The following KCNMB2 variants were observed in gnomAD, a reference collection of about 807,000 sequenced individuals.
The protein encoded by KCNMB2 is potassium calcium-activated channel subfamily M regulatory beta subunit 2, also known as calcium-activated potassium channel subunit beta-2.
In KCNMB2, 9 loss-of-function variants were observed where a neutral mutation model predicts 24.5. The ratio of observed to expected loss-of-function variants is 0.37; its 90% confidence interval spans 0.22 to 0.64. The LOEUF is 0.64. Among genes scored for constraint, KCNMB2 ranks in the 30% least tolerant of loss-of-function variants. The pLI, the probability that KCNMB2 is intolerant of heterozygous loss-of-function variation, is 0.63. For missense variants in KCNMB2, 226 were observed against 284.3 expected (o/e 0.79, Z 1.47); for synonymous variants, 109 against 104.4 (o/e 1.04, Z -0.27).
chr3:178,579,834 C>A (rs986298727), intron 1 of KCNMB2, among the ~76,000 whole-genome samples: 8 of 152,172 alleles, frequency 5.3e-5, no homozygotes, highest in Non-Finnish European at 7.4e-5. Context: ...GAAGTCAAAT[C>A]TCTGAATATA....
At chr3:178,723,888 A>G (rs530688235) in intron 1 of KCNMB2, among the ~76,000 whole-genome samples, 27 of 152,258 alleles carry the variant, frequency 1.8e-4, no homozygotes, top group Admixed American at 6.5e-4. Context: ...TCCACTGTTA[A>G]TGGGTGCCTA....
At chr3:178,736,459 C>T (rs1313585540) in intron 1 of KCNMB2, among the ~76,000 whole-genome samples, 1 of 152,216 alleles carries the variant, frequency 6.6e-6, no homozygotes, top group Non-Finnish European at 1.5e-5. Flanking sequence ...CTCTCCTTTC[C>T]AGACCTTTTC....
At chr3:178,758,546 A>G (rs1269633796) in intron 1 of KCNMB2, among the ~76,000 whole-genome samples, 2 of 49,940 alleles carry the variant, frequency 4.0e-5, no homozygotes, top group Admixed American at 5.1e-4. Context: ...ATATATATAT[A>G]TATATCCAAG....
chr3:178,734,990 T>C (rs543544355), intron 1 of KCNMB2, among the ~76,000 whole-genome samples: 5 of 152,232 alleles, frequency 3.3e-5, no homozygotes, highest in Non-Finnish European at 5.9e-5. Flanking sequence ...ATCCTCATCA[T>C]GATTTATCTC....
intron 1 of KCNMB2, among the ~76,000 whole-genome samples, chr3:178,733,622 A>T (rs1723224093): frequency 6.6e-6 from 1 of 152,118 alleles, no homozygotes; most frequent in Non-Finnish European, 1.5e-5. Flanking sequence ...CTGGGACTAC[A>T]GGTGCATGCC....
intron 1 of KCNMB2, among the ~76,000 whole-genome samples, chr3:178,701,122 T>A (rs1201420470): frequency 6.6e-6 from 1 of 152,228 alleles, no homozygotes; most frequent in African/African-American, 2.4e-5. Flanking sequence ...CCATCTTGAA[T>A]TAATTGTTGT....
At chr3:178,827,410 T>C (rs1003657202) in intron 3 of KCNMB2, among the ~76,000 whole-genome samples, 2 of 152,112 alleles carry the variant, frequency 1.3e-5, no homozygotes, top group African/African-American at 4.8e-5. Context: ...AATTACAAGA[T>C]TGGATCACAA....
chr3:178,751,498 T>C (rs915861692), intron 1 of KCNMB2, among the ~76,000 whole-genome samples: 1 of 131,626 alleles, frequency 7.6e-6, no homozygotes, highest in Non-Finnish European at 1.5e-5. Flanking sequence ...CGCTTGAACC[T>C]GGGAGGCAGA....
intron 2 of KCNMB2, among the ~76,000 whole-genome samples, chr3:178,814,271 G>A (rs549927912): frequency 3.9e-5 from 6 of 152,148 alleles, no homozygotes; most frequent in South Asian, 4.2e-4. Flanking sequence ...CGGTTTCTGT[G>A]TTAATTCACT....
intron 1 of KCNMB2, among the ~76,000 whole-genome samples, chr3:178,676,792 C>T (rs1251928908): frequency 6.6e-6 from 1 of 152,208 alleles, no homozygotes; most frequent in Non-Finnish European, 1.5e-5. Context: ...CTGACACTCA[C>T]TTATTCCTGA....
chr3:178,806,389 T>C (rs1713969390), intron 1 of KCNMB2, among the ~76,000 whole-genome samples: 1 of 152,182 alleles, frequency 6.6e-6, no homozygotes, highest in Admixed American at 6.5e-5. Context: ...GTGTGGCATA[T>C]AGTAGATAAT....
At chr3:178,790,009 C>G (rs1265358278) in intron 1 of KCNMB2, among the ~76,000 whole-genome samples, 1 of 151,288 alleles carries the variant, frequency 6.6e-6, no homozygotes, top group Non-Finnish European at 1.5e-5. Context: ...CTTTCTTCTG[C>G]TTGAGGAGAG....
At chr3:178,744,780 T>A (rs1354606308) in intron 1 of KCNMB2, among the ~76,000 whole-genome samples, 1 of 151,958 alleles carries the variant, frequency 6.6e-6, no homozygotes, top group Non-Finnish European at 1.5e-5. Flanking sequence ...AGGGCAGCCA[T>A]AAATCCCCAC....
At chr3:178,655,089 GCTCTCCCTCTCTCTCTCTCTCT>G (rs1720274500) in intron 1 of KCNMB2, among the ~76,000 whole-genome samples, 1 of 77,896 alleles carries the variant, frequency 1.3e-5, no homozygotes, top group African/African-American at 5.0e-5. Flanking sequence ...GTAAATATTA[GCTCTCCCTCTCTCTCTCTCTCT>G]CTCTCTCTCT....
At chr3:178,675,143 T>C (rs1475808036) in intron 1 of KCNMB2, among the ~76,000 whole-genome samples, 2 of 152,190 alleles carry the variant, frequency 1.3e-5, no homozygotes, top group African/African-American at 4.8e-5. Flanking sequence ...AAAGATAATA[T>C]AGTTTTAAAA....
chr3:178,743,758 A>G (rs185524990), intron 1 of KCNMB2, among the ~76,000 whole-genome samples: 1 of 152,304 alleles, frequency 6.6e-6, no homozygotes, highest in African/African-American at 2.4e-5. Flanking sequence ...ATTTACTTCT[A>G]TCTCTGGAGC....
intron 1 of KCNMB2, among the ~76,000 whole-genome samples, chr3:178,777,493 C>G (rs1338927579): frequency 6.6e-6 from 1 of 152,168 alleles, no homozygotes; most frequent in Non-Finnish European, 1.5e-5. Context: ...ACTAAAATAT[C>G]TGGAAAGCAA....
chr3:178,545,148 T>G (rs572752060), intron 1 of KCNMB2, among the ~76,000 whole-genome samples: 25 of 152,282 alleles, frequency 1.6e-4, no homozygotes, highest in African/African-American at 6.0e-4. Flanking sequence ...GCTTGTGAGT[T>G]CTGATGCTGC....
chr3:178,776,015 C>G (rs1577178124), intron 1 of KCNMB2, among the ~76,000 whole-genome samples: 1 of 152,100 alleles, frequency 6.6e-6, no homozygotes. Context: ...ATTCTTAACA[C>G]TCCGAAGTCT....
Sources: allele counts gnomAD v4.1 joint callset (sites outside exome capture counted in the v4.1 genomes callset), GRCh38; gene constraint gnomAD v4.1.1; transcripts MANE v1.5; gene names NCBI Gene and HGNC (gene_info 2026-07-23, HGNC 2026-07-21).